The following SCAF1 variants were observed in gnomAD, a reference collection of about 807,000 sequenced individuals.
SCAF1 encodes the protein splicing factor, arginine/serine-rich 19.
A neutral mutation model predicts 91.2 loss-of-function variants in SCAF1; 28 were observed. That is an observed-to-expected ratio of 0.31 (90% CI 0.23 to 0.42). The LOEUF (loss-of-function observed/expected upper bound fraction) is 0.42. Among genes scored for constraint, SCAF1 ranks in the 10% least tolerant of loss-of-function variants. The probability of loss-of-function intolerance (pLI) is 1.00; values close to 1 mark genes in which losing one functional copy is unlikely to be tolerated. For missense variants in SCAF1, 1,893 were observed against 1,872.1 expected (o/e 1.01, Z -0.21); for synonymous variants, 1,036 against 833.7 (o/e 1.24, Z -4.18).
Position 49,652,389 on chromosome 19 carries a change from C to A in SCAF1, c.2000C>A (p.Pro667Gln), listed in dbSNP as rs774026963. Reference sequence around the variant, plus strand: ...AGCGAGAAGGCCCCGGCGCCCGCCCCGCCGCCCTCTGGCTCCACCTCGTGT... The same window carrying A: ...AGCGAGAAGGCCCCGGCGCCCGCCCAGCCGCCCTCTGGCTCCACCTCGTGT... ...DGSEKAPAPAPPPSGSTSCGD... is the reference protein window; with the variant it reads ...DGSEKAPAPAQPPSGSTSCGD... Residue 667 changes from proline (P) to glutamine (Q), a missense_variant, in exon 7 of 11, where the codon CCG becomes CAG. Transcript: ENST00000360565. 5 of 1,563,472 alleles carry A rather than the reference C, an allele frequency of 3.2e-6. No individual in the cohort carries two copies. The highest frequency in any genetic ancestry group is 4.3e-6 in the Non-Finnish European group (5 of 1,158,452).
chr19:49,648,533 A>C (rs2081067837), intron 6 of SCAF1, among the ~76,000 whole-genome samples: 1 of 150,424 alleles, frequency 6.6e-6, no homozygotes. Context: ...TGCTGAGATC[A>C]CAGGCATGAG....
In SCAF1 at chr19:49,645,298, G is replaced by T; in HGVS notation, c.109-56G>T. The stretch of plus-strand genomic sequence containing the variant: ...GGATGTCTGTCTCCCAAGGGGCAGA[G>T]GTTGCAAAGCATCTGCCTGGGTCCT... On this transcript the variant is annotated intron_variant, in intron 2 of 10. Coordinates refer to ENST00000360565, the MANE Select transcript of SCAF1 (RefSeq NM_021228.3). The surrounding 1 kb of genome is among the most constrained non-coding windows in gnomAD (Gnocchi z 4.6). 5 of 1,584,428 alleles carry T rather than the reference G, an allele frequency of 3.2e-6. No individual in the cohort carries two copies. The highest frequency in any genetic ancestry group is 4.3e-6 in the Non-Finnish European group (5 of 1,153,470).
At chr19:49,650,072 C>T (rs564594079) in intron 6 of SCAF1, among the ~76,000 whole-genome samples, 93 of 152,316 alleles carry the variant, frequency 6.1e-4, no homozygotes, top group African/African-American at 2.2e-3. Context: ...GCAGCGGGCT[C>T]TTTGGGGGCG....
At chr19:49,648,357 C>G (rs2081066775) in intron 6 of SCAF1, among the ~76,000 whole-genome samples, 3 of 152,084 alleles carry the variant, frequency 2.0e-5, no homozygotes, top group African/African-American at 7.2e-5. Flanking sequence ...AGTGATCCGC[C>G]TGCCTCAACC....
At chr19:49,643,798 G>C (rs1024289052) in intron 1 of SCAF1, among the ~76,000 whole-genome samples, 2 of 152,210 alleles carry the variant, frequency 1.3e-5, no homozygotes, top group Non-Finnish European at 2.9e-5. Flanking sequence ...AAGAGGCTGG[G>C]ATGTAATAGA....
rs2081092414 is a variant in SCAF1 at position 49,651,748 on chromosome 19, G to C, written c.1359G>C (p.Ser453=). 2 of 1,340,754 alleles carry C rather than the reference G, an allele frequency of 1.5e-6. No homozygotes were observed. Among genetic ancestry groups the C allele is most frequent in the South Asian group, 1.8e-5 (1 of 55,666 alleles). The allele number at this position is 1,340,754 out of a possible 1,614,324, so 83.1% of individuals were successfully genotyped here. The change falls in exon 7 of 11, where the codon TCG becomes TCC. Residue 453 remains serine, a synonymous_variant. Coordinates refer to ENST00000360565, the MANE Select transcript of SCAF1 (RefSeq NM_021228.3). ...GDDFLSLHAE[S]DGEGALQVDL... ...ACTTCTTGTCCCTGCATGCGGAGTC[G>C]GACGGCGAGGGCGCCCTGCAGGTGG...
intron 1 of SCAF1, 183 bp from the exon 2 acceptor site, chr19:49,644,838 T>C (rs145048957): frequency 7.8e-4 from 414 of 528,078 alleles, no homozygotes; most frequent in Non-Finnish European, 1.2e-3. Flanking sequence ...CCCTGGGGTG[T>C]CTGTGCTGGG....
chr19:49,652,442 G>C lies in SCAF1; in HGVS notation c.2053G>C (p.Ala685Pro). ...CGDRDSRRRG[A>P]VPPSIQDLTD... is the part of the protein sequence containing the mutation. The stretch of plus-strand genomic sequence containing the variant: ...TGACCGCGACAGCCGCCGCCGGGGG[G>C]CCGTGCCACCCTCCATCCAGGACCT... The change falls in exon 7 of 11, where the codon GCC becomes CCC. Residue 685 changes from alanine (A) to proline (P), a missense_variant. By Grantham distance (27) the Ala-to-Pro change is conservative (BLOSUM62 -1). This residue lies in a region of SCAF1 where 1,436 missense variants were observed against 1,306.8 expected (regional missense o/e 1.10). Coordinates refer to ENST00000360565, the MANE Select transcript of SCAF1 (RefSeq NM_021228.3). 1.9e-6 allele frequency: 3 copies of C among 1,601,170 alleles called. No homozygotes were observed. Among genetic ancestry groups the C allele is most frequent in the Non-Finnish European group, 2.5e-6 (3 of 1,177,850 alleles).
At chr19:49,641,855 G>A (rs2081027817), upstream of SCAF1, among the ~76,000 whole-genome samples, 1 of 152,202 alleles carries the variant, frequency 6.6e-6, no homozygotes, top group Admixed American at 6.5e-5. Context: ...ATTCCCTTGC[G>A]TCTGTTCTGC....
rs2122455754 is a variant in SCAF1, at chr19:49,645,982, G to T, written c.167-126G>T. 2.4e-6 allele frequency: 2 copies of T among 820,938 alleles called. No individual in the cohort carries two copies. The highest frequency in any genetic ancestry group is 5.2e-5 in the East Asian group (2 of 38,244). The allele number at this position is 820,938 out of a possible 1,614,324, so 50.9% of individuals were successfully genotyped here. A position where few individuals can be genotyped will look rare whatever the true frequency, so the allele number is the denominator to read the frequency against. ...GTCCTCCTGGGAGGTGGCGCATGGA[G>T]GCCTGGAGAGCATGCGGGAGGCTGG... On this transcript the variant is annotated intron_variant, in intron 3 of 10. Transcript: ENST00000360565. The surrounding 1 kb of genome is among the most constrained non-coding windows in gnomAD (Gnocchi z 4.6).
In SCAF1 at chr19:49,646,847, C is replaced by T. The variant is rs538965694; in HGVS notation, c.478+17C>T. 4.2e-5 allele frequency: 66 copies of T among 1,588,926 alleles called. No individual in the cohort carries two copies. The highest frequency in any genetic ancestry group is 5.4e-5 in the African/African-American group (4 of 74,384). The stretch of plus-strand genomic sequence containing the variant: ...GCAAAACGGGTATGTGGGGCCAGGG[C>T]GGAGCTGGGCAGGTGGTCGTGGAGT... On this transcript the variant is annotated intron_variant, in intron 6 of 10. Coordinates refer to ENST00000360565, the MANE Select transcript of SCAF1 (RefSeq NM_021228.3). This position sits in a 1 kb window ranked among gnomAD's most constrained non-coding sequence, Gnocchi z 5.6.
At position 49,646,326 on chromosome 19, in the gene SCAF1, G is replaced by A. The variant is rs1172622185; in HGVS notation, c.261+124G>A. 2 of 937,026 alleles carry A rather than the reference G, an allele frequency of 2.1e-6. No individual in the cohort carries two copies. The highest frequency in any genetic ancestry group is 1.7e-5 in the African/African-American group (1 of 60,354). The allele number at this position is 937,026 out of a possible 1,614,324, so 58.0% of individuals were successfully genotyped here. On this transcript the variant is annotated intron_variant, in intron 4 of 10. Coordinates refer to ENST00000360565, the MANE Select transcript of SCAF1 (RefSeq NM_021228.3). The surrounding 1 kb of genome is among the most constrained non-coding windows in gnomAD (Gnocchi z 5.6). Reference sequence around the variant, plus strand: ...CCTGGCTCTGCGATGCTGACCAGGGGCAATGTTGGAGAGTCTGGGGGCCTG... The same window carrying A: ...CCTGGCTCTGCGATGCTGACCAGGGACAATGTTGGAGAGTCTGGGGGCCTG...
In SCAF1 at chr19:49,653,248, G is replaced by A. The variant is rs1388349307; in HGVS notation, c.2859G>A (p.Ala953=). The A allele has an allele frequency of 2.0e-6, 3 of 1,492,876 alleles. No homozygotes were observed. Among genetic ancestry groups the A allele is most frequent in the Non-Finnish European group, 1.8e-6 (2 of 1,119,726 alleles). 92.5% of individuals were successfully genotyped at this position (1,492,876 alleles called of 1,614,324 possible). The part of the protein sequence containing the change: ...KKSKADSCSQ[A]AGTKGAEETS... ...CCAAGGCGGATAGCTGCAGCCAGGC[G>A]GCAGGCACCAAGGGGGCGGAGGAGA... Residue 953 remains alanine, a synonymous_variant, in exon 7 of 11, where the codon GCG becomes GCA. Transcript: ENST00000360565.
chr19:49,657,864 A>G lies in SCAF1; in HGVS notation c.3722A>G (p.Asp1241Gly). 1 of 1,611,802 alleles carries G rather than the reference A, an allele frequency of 6.2e-7. No homozygotes were observed. Among genetic ancestry groups the G allele is most frequent in the Admixed American group, 1.7e-5 (1 of 59,644 alleles). Residue 1241 changes from aspartate to glycine, a missense_variant, in exon 10 of 11, where the codon GAC becomes GGC. Coordinates refer to ENST00000360565, the MANE Select transcript of SCAF1 (RefSeq NM_021228.3). Reference protein sequence around the residue: ...KKDITKEEYKDILRKAVHKIC... With the variant: ...KKDITKEEYKGILRKAVHKIC... ...GACATCACCAAGGAGGAGTACAAGG[A>G]CATCCTGAGGAAGGCCGTCCACAAG...
At position 49,653,187 on chromosome 19, in the gene SCAF1, G is replaced by A; in HGVS notation, c.2798G>A (p.Ser933Asn). 6.4e-7 allele frequency: 1 copy of A among 1,571,152 alleles called. No individual in the cohort carries two copies. Among genetic ancestry groups the A allele is most frequent in the South Asian group, 1.2e-5 (1 of 85,126 alleles). ...AAAAAGGTCCGCAGTGGAGGTGGCA[G>A]CGGGGGCAGTGGTGGCCAGGTGTCG... ...TRKKVRSGGG[S>N]GGSGGQVSLK... is the part of the protein sequence containing the mutation. Residue 933 changes from serine to asparagine, a missense_variant, in exon 7 of 11, where the codon AGC becomes AAC. By Grantham distance (46) the Ser-to-Asn change is conservative. Coordinates refer to ENST00000360565, the MANE Select transcript of SCAF1 (RefSeq NM_021228.3).
intron 1 of SCAF1, 149 bp from the exon 2 acceptor site, chr19:49,644,872 G>A (rs2122450844): frequency 1.6e-6 from 1 of 615,322 alleles, no homozygotes; most frequent in Middle Eastern, 3.3e-4. Context: ...CAAGCACAGG[G>A]TGGAGTGGGA....
intron 1 of SCAF1, among the ~76,000 whole-genome samples, chr19:49,644,104 C>T (rs2081041687): frequency 1.3e-5 from 2 of 152,170 alleles, no homozygotes; most frequent in Non-Finnish European, 2.9e-5. Context: ...GCTCCTATTT[C>T]GTGCATTTAC....
At position 49,653,619 on chromosome 19, in the gene SCAF1, G is replaced by A. The variant is rs1022588816; in HGVS notation, c.3230G>A (p.Arg1077His). ...DSGAEDGPAS[R>H]VSQLPTLPPP... ...GGGGCGGAGGACGGGCCAGCTTCCCGTGTCTCCCAGCTGCCCACGTTGCCC... is the reference window on the plus strand; with the variant it reads ...GGGGCGGAGGACGGGCCAGCTTCCCATGTCTCCCAGCTGCCCACGTTGCCC... Residue 1077 changes from arginine to histidine, a missense_variant, in exon 7 of 11, where the codon CGT becomes CAT. Arg to His is a conservative substitution (Grantham distance 29). Coordinates refer to ENST00000360565, the MANE Select transcript of SCAF1 (RefSeq NM_021228.3). 11 of 1,586,566 alleles carry A rather than the reference G, an allele frequency of 6.9e-6. No homozygotes were observed. Among genetic ancestry groups the A allele is most frequent in the Admixed American group, 3.5e-5 (2 of 57,622 alleles).
At position 49,652,394 on chromosome 19, in the gene SCAF1, C is replaced by T. The variant is rs2081102821; in HGVS notation, c.2005C>T (p.Pro669Ser). ...SEKAPAPAPP[P>S]SGSTSCGDRD... ...GAAGGCCCCGGCGCCCGCCCCGCCG[C>T]CCTCTGGCTCCACCTCGTGTGGTGA... The change falls in exon 7 of 11, where the codon CCC becomes TCC. Residue 669 changes from proline to serine, a missense_variant. Pro to Ser is a moderately conservative substitution (Grantham distance 74). Coordinates refer to ENST00000360565, the MANE Select transcript of SCAF1 (RefSeq NM_021228.3). 1.9e-6 allele frequency: 3 copies of T among 1,577,010 alleles called. No individual in the cohort carries two copies. The highest frequency in any genetic ancestry group is 2.6e-6 in the Non-Finnish European group (3 of 1,165,330).
Sources: gnomAD v4.1 joint callset for allele counts (sites outside exome capture counted in the v4.1 genomes callset) on GRCh38, gnomAD v4.1.1 for gene constraint, gnomAD v4.1.1 regional missense constraint, Gnocchi (gnomAD v3.1) non-coding constraint, MANE v1.5 for transcripts, NCBI Gene and HGNC (gene_info 2026-07-23, HGNC 2026-07-21) for gene names.